NBL1: variants seen among roughly 807,000 people sequenced by gnomAD.
The protein encoded by NBL1 is NBL1, DAN family BMP antagonist.
In NBL1, 9 loss-of-function variants were observed where a neutral mutation model predicts 16.0. The observed-to-expected ratio is 0.56, with a 90% confidence interval of 0.34 to 0.98. The LOEUF (loss-of-function observed/expected upper bound fraction) is 0.98. NBL1 is among the 50% of genes least tolerant of loss of function. The pLI is 0.02. For synonymous variants in NBL1, 86 were observed against 100.7 expected (o/e 0.85, Z 0.87); for missense variants, 196 against 243.1 (o/e 0.81, Z 1.29).
intron 1 of NBL1, among the ~76,000 whole-genome samples, chr1:19,652,897 A>T (rs2095034773): frequency 6.6e-6 from 1 of 152,136 alleles, no homozygotes; most frequent in South Asian, 2.1e-4. Flanking sequence ...CTGAGGCAGG[A>T]GAATCACTTG....
chr1:19,643,683 C>T, upstream of NBL1: 1 of 1,202,262 alleles, frequency 8.3e-7, no homozygotes, highest in Non-Finnish European at 1.0e-6. The surrounding 1 kb of genome is among the most constrained non-coding windows in gnomAD (Gnocchi z 4.7). Context: ...TTTCGGGATG[C>T]TTAAGCCAAG....
Position 19,644,848 on chromosome 1 carries a change from G to A in NBL1, c.-20+402G>A, listed in dbSNP as rs942573437. 6.6e-6 allele frequency among the ~76,000 whole-genome samples: 1 copy of A among 152,102 alleles called. No homozygotes were observed. The highest frequency in any genetic ancestry group is 1.5e-5 in the Non-Finnish European group (1 of 67,990). ...CGCGCCGCGCCTCTCGGCTCTGGAC[G>A]TTTCCGCCTCCCGCGGCCCCCTCTG... On this transcript the variant is annotated intron_variant, in intron 1 of 3. Coordinates refer to ENST00000375136, the MANE Select transcript of NBL1 (RefSeq NM_005380.8). This position sits in a 1 kb window ranked among gnomAD's most constrained non-coding sequence, Gnocchi z 4.6.
In NBL1 at chr1:19,646,979, C is replaced by G. The variant is rs187404869; in HGVS notation, c.-20+2533C>G. Among the ~76,000 whole-genome samples the G allele has an allele frequency of 7.9e-5, 12 of 152,338 alleles. No individual in the cohort carries two copies. In the East Asian group the frequency reaches 1.7e-3, roughly 22 times the overall value. On this transcript the variant is annotated intron_variant, in intron 1 of 3. Coordinates refer to ENST00000375136, the MANE Select transcript of NBL1 (RefSeq NM_005380.8). ...TGTGGGAGCGAGGGGCAGAAGGGAG[C>G]AGGCAGAGGCCAGGGAGGATAAGAG...
At position 19,657,046 on chromosome 1, in the gene NBL1, CACCCCCATCCTG is replaced by C. The variant is rs2100452607; in HGVS notation, c.464_475del (p.His155_Gly159delinsArg). ...CGGCACCCACCCTCACCCCCATCCCCACCCCCATCCTGGCGGGCAGACCCCTGAGCCCGAGGA... is the reference window on the plus strand; with the variant it reads ...CGGCACCCACCCTCACCCCCATCCCCGCGGGCAGACCCCTGAGCCCGAGGA... On this transcript the variant is annotated inframe_deletion, in exon 4 of 4. Transcript: ENST00000375136. The C allele has an allele frequency of 6.5e-7, 1 of 1,550,264 alleles. No individual in the cohort carries two copies. Among genetic ancestry groups the C allele is most frequent in the Non-Finnish European group, 8.7e-7 (1 of 1,147,090 alleles).
chr1:19,645,398 G>A, intron 1 of NBL1: 1 of 986,748 alleles, frequency 1.0e-6, no homozygotes, highest in Non-Finnish European at 1.2e-6. Flanking sequence ...AAAGGGGGCA[G>A]CCGCCTGCCT....
chr1:19,651,990 G>T (rs759286791), intron 1 of NBL1, among the ~76,000 whole-genome samples: 5 of 152,044 alleles, frequency 3.3e-5, no homozygotes, highest in African/African-American at 4.8e-5. Context: ...TGGTCCTCCC[G>T]CTTTGGCCTC....
intron 1 of NBL1, among the ~76,000 whole-genome samples, chr1:19,648,335 G>GC (rs1407264546): frequency 3.3e-5 from 5 of 152,198 alleles, no homozygotes; most frequent in African/African-American, 1.2e-4. Context: ...TTTCCTGGGG[G>GC]CTGGGAGGCC....
At chr1:19,644,086 G>A, upstream of NBL1, 1 of 974,084 alleles carries the variant, frequency 1.0e-6, no homozygotes. The surrounding 1 kb of genome is among the most constrained non-coding windows in gnomAD (Gnocchi z 4.6). Context: ...CCACCACGCC[G>A]TCGGAGCGCG....
intron 1 of NBL1, among the ~76,000 whole-genome samples, chr1:19,650,051 T>C (rs974609404): frequency 2.6e-5 from 4 of 151,990 alleles, no homozygotes; most frequent in Non-Finnish European, 5.9e-5. Context: ...CTCGGCTCAC[T>C]GCAAGCTCCG....
intron 1 of NBL1, chr1:19,646,118 G>T: frequency 6.8e-7 from 1 of 1,478,214 alleles, no homozygotes; most frequent in Non-Finnish European, 9.2e-7. Context: ...GTGGCACGGG[G>T]TCGGCCCTGT....
chr1:19,654,956 C>A (rs2095047538), intron 1 of NBL1, 56 bp from the exon 2 acceptor site: 42 of 1,492,862 alleles, frequency 2.8e-5, no homozygotes, highest in Non-Finnish European at 3.7e-5. Flanking sequence ...TGTAACACCA[C>A]TACCCGGCCC....
At position 19,655,133 on chromosome 1, in the gene NBL1, T is replaced by C; in HGVS notation, c.103T>C (p.Cys35Arg). ...ACTGTTCCCAGATAAGAGTGCCTGG[T>C]GCGAAGCCAAGAACATCACCCAGAT... ...LALFPDKSAW[C>R]EAKNITQIVG... Residue 35 changes from cysteine (C) to arginine (R), a missense_variant, in exon 2 of 4, where the codon TGC becomes CGC. Physicochemically the swap from Cys to Arg is radical, Grantham distance 180. Transcript: ENST00000375136. 1 of 1,611,786 alleles carries C rather than the reference T, an allele frequency of 6.2e-7. No homozygotes were observed. The highest frequency in any genetic ancestry group is 8.5e-7 in the Non-Finnish European group (1 of 1,179,202).
chr1:19,652,973 G>A (rs1458284485), intron 1 of NBL1, among the ~76,000 whole-genome samples: 1 of 149,820 alleles, frequency 6.7e-6, no homozygotes, highest in Non-Finnish European at 1.5e-5. Context: ...GGGCGACAGA[G>A]TGAGACTCTG....
At chr1:19,643,948 A>T, upstream of NBL1, 3 of 985,934 alleles carry the variant, frequency 3.0e-6, no homozygotes, top group Non-Finnish European at 3.6e-6. The surrounding 1 kb of genome is among the most constrained non-coding windows in gnomAD (Gnocchi z 4.7). Flanking sequence ...CTGACGGCCC[A>T]GGCTCGGTAA....
upstream of NBL1, chr1:19,643,470 C>T: frequency 6.3e-7 from 1 of 1,590,118 alleles, no homozygotes. The surrounding 1 kb of genome is among the most constrained non-coding windows in gnomAD (Gnocchi z 4.7). Context: ...CCACCACTTT[C>T]CAGAAGCAAA....
chr1:19,644,447 G>A lies in NBL1; in HGVS notation c.-20+1G>A, dbSNP rs897058174. 5 of 979,096 alleles carry A rather than the reference G, an allele frequency of 5.1e-6. No individual in the cohort carries two copies. The highest frequency in any genetic ancestry group is 9.4e-5 in the South Asian group (2 of 21,278). The allele number at this position is 979,096 out of a possible 1,614,324, so 60.7% of individuals were successfully genotyped here. On this transcript the variant is annotated splice_donor_variant, in intron 1 of 3. Transcript: ENST00000375136. LOFTEE classifies it low-confidence loss of function (5UTR_SPLICE). This position sits in a 1 kb window ranked among gnomAD's most constrained non-coding sequence, Gnocchi z 4.6. ...TCCGCAGGACCGGCGGGCGCGCGCG[G>A]TAAGTCCCGCCCGGGTCGGCACGCG...
chr1:19,643,762 C>T, upstream of NBL1: 1 of 1,026,794 alleles, frequency 9.7e-7, no homozygotes, highest in Non-Finnish European at 1.2e-6. This position sits in a 1 kb window ranked among gnomAD's most constrained non-coding sequence, Gnocchi z 4.7. Flanking sequence ...ACCAACAGCA[C>T]GGACTTGAAC....
intron 1 of NBL1, among the ~76,000 whole-genome samples, chr1:19,651,900 AT>A (rs1168919805): frequency 6.6e-6 from 1 of 152,174 alleles, no homozygotes. Context: ...TAATAAAAAA[AT>A]ATTTTATTTT....
intron 1 of NBL1, chr1:19,645,795 G>A: frequency 7.0e-7 from 1 of 1,434,082 alleles, no homozygotes; most frequent in South Asian, 1.4e-5. Context: ...AGGGGAGTAG[G>A]TGTTCTGCAT....
Sources: gnomAD v4.1 joint callset for allele counts (sites outside exome capture counted in the v4.1 genomes callset) on GRCh38, gnomAD v4.1.1 for gene constraint, Gnocchi (gnomAD v3.1) non-coding constraint, MANE v1.5 for transcripts, NCBI Gene and HGNC (gene_info 2026-07-23, HGNC 2026-07-21) for gene names.